GABBR2: variants seen among roughly 807,000 people sequenced by gnomAD.
The protein encoded by GABBR2 is G-protein coupled receptor 51.
Under a neutral mutation model 105.6 loss-of-function variants are expected in GABBR2, and 23 were observed. The ratio of observed to expected loss-of-function variants is 0.22; its 90% confidence interval spans 0.16 to 0.31. The LOEUF (loss-of-function observed/expected upper bound fraction) is 0.31, where lower values mean the gene tolerates loss of function less well. Among genes scored for constraint, GABBR2 ranks in the 10% least tolerant of loss-of-function variants. The pLI is 1.00. For synonymous variants in GABBR2, 478 were observed against 499.7 expected (o/e 0.96, Z 0.58); for missense variants, 734 against 1,245.5 (o/e 0.59, Z 6.18).
chr9:98,349,314 T>C (rs1304380529), intron 13 of GABBR2, among the ~76,000 whole-genome samples: 1 of 151,626 alleles, frequency 6.6e-6, no homozygotes, highest in Non-Finnish European at 1.5e-5. Flanking sequence ...TGATGTGTTG[T>C]TGGATTTGGT....
At chr9:98,582,370 C>G (rs751760526) in intron 1 of GABBR2, among the ~76,000 whole-genome samples, 2 of 152,192 alleles carry the variant, frequency 1.3e-5, no homozygotes, top group Non-Finnish European at 2.9e-5. Flanking sequence ...AAACTGAACT[C>G]TGCCAATAAC....
chr9:98,410,598 T>C lies in GABBR2; in HGVS notation c.1237-4457A>G, dbSNP rs116670171. On this transcript the variant is annotated intron_variant, in intron 7 of 18. Transcript: ENST00000259455. ...GTCTGTGGGGCCCAGCAGCTTCTGA[T>C]TCCTGAACCGTTGGAGTGTGGGGGC... Among the ~76,000 whole-genome samples, 1,418 of 151,338 alleles carry C rather than the reference T, an allele frequency of 9.4e-3. 14 individuals are homozygous for C. Among genetic ancestry groups the C allele is most frequent in the African/African-American group, 0.032 (1,332 of 41,052 alleles).
chr9:98,430,035 C>A (rs929695007), intron 7 of GABBR2, among the ~76,000 whole-genome samples: 1 of 152,062 alleles, frequency 6.6e-6, no homozygotes, highest in African/African-American at 2.4e-5. Flanking sequence ...GCCTGTAATC[C>A]CAGCCCTTTG....
At chr9:98,332,300 G>A (rs1831041536) in intron 13 of GABBR2, among the ~76,000 whole-genome samples, 1 of 152,222 alleles carries the variant, frequency 6.6e-6, no homozygotes, top group South Asian at 2.1e-4. Flanking sequence ...CAGGACCTGG[G>A]AGGTTGGCAG....
chr9:98,609,112 A>G (rs568816249), intron 1 of GABBR2, among the ~76,000 whole-genome samples: 1 of 152,216 alleles, frequency 6.6e-6, no homozygotes, highest in African/African-American at 2.4e-5. Context: ...ATTGTAAAAA[A>G]TTCACATAAT....
intron 11 of GABBR2, among the ~76,000 whole-genome samples, chr9:98,373,837 T>C (rs1328736075): frequency 1.3e-5 from 2 of 150,192 alleles, no homozygotes; most frequent in Non-Finnish European, 3.0e-5. Context: ...GTCACTCCAG[T>C]GTGCAAAGCA....
chr9:98,572,072 G>A (rs891372943), intron 2 of GABBR2, among the ~76,000 whole-genome samples: 2 of 152,168 alleles, frequency 1.3e-5, no homozygotes, highest in African/African-American at 4.8e-5. Flanking sequence ...CCAGCATGAG[G>A]CCCAGATCAG....
At chr9:98,293,694 T>C in intron 18 of GABBR2, 91 bp downstream of exon 18, 2 of 701,206 alleles carry the variant, frequency 2.9e-6, no homozygotes, top group Admixed American at 2.3e-5. Context: ...AATAAAATAA[T>C]GGATGTGAAA....
chr9:98,400,951 C>G (rs181843458), intron 8 of GABBR2, among the ~76,000 whole-genome samples: 2 of 152,170 alleles, frequency 1.3e-5, no homozygotes, highest in Admixed American at 6.5e-5. Context: ...CATGGACCAA[C>G]GACAATGACT....
At chr9:98,584,116 A>G (rs960406130) in intron 1 of GABBR2, among the ~76,000 whole-genome samples, 1 of 152,116 alleles carries the variant, frequency 6.6e-6, no homozygotes, top group African/African-American at 2.4e-5. Flanking sequence ...GGGCTTTATC[A>G]TGCTCTCCTT....
rs940451255 is a variant in GABBR2, at chr9:98,290,493, C to T, written c.*91G>A. On this transcript the variant is annotated 3_prime_UTR_variant, in exon 19 of 19. Transcript: ENST00000259455. ...GGCCAGCCATGGTGCCCAGCTTCTCCGCAGCCAGAGCCGACAGTGTTTCTG... is the reference window on the plus strand; with the variant it reads ...GGCCAGCCATGGTGCCCAGCTTCTCTGCAGCCAGAGCCGACAGTGTTTCTG... 3.3e-5 allele frequency: 32 copies of T among 973,218 alleles called. No individual in the cohort carries two copies. Among genetic ancestry groups the T allele is most frequent in the Middle Eastern group, 3.5e-4 (1 of 2,820 alleles). The allele number at this position is 973,218 out of a possible 1,614,324, so 60.3% of individuals were successfully genotyped here.
At chr9:98,576,185 G>A (rs1379920969) in intron 2 of GABBR2, among the ~76,000 whole-genome samples, 1 of 152,210 alleles carries the variant, frequency 6.6e-6, no homozygotes, top group Non-Finnish European at 1.5e-5. Flanking sequence ...GCCAGTGCAA[G>A]TGGAATGAAA....
intron 5 of GABBR2, among the ~76,000 whole-genome samples, chr9:98,475,367 A>G (rs1335479567): frequency 5.3e-5 from 8 of 152,048 alleles, no homozygotes; most frequent in Non-Finnish European, 8.8e-5. Flanking sequence ...AAGAAAAGAA[A>G]AGAAAAGAAA....
At chr9:98,652,731 G>C (rs929514565) in intron 1 of GABBR2, among the ~76,000 whole-genome samples, 3 of 152,212 alleles carry the variant, frequency 2.0e-5, no homozygotes, top group African/African-American at 7.2e-5. Context: ...GGAGGCAATG[G>C]GTCTTTTCCA....
intron 1 of GABBR2, among the ~76,000 whole-genome samples, chr9:98,611,750 G>A (rs940682802): frequency 4.6e-5 from 7 of 152,194 alleles, no homozygotes; most frequent in African/African-American, 1.7e-4. Flanking sequence ...TCCCACCACC[G>A]GGTACCTTGC....
chr9:98,486,127 C>T (rs1292382246), intron 4 of GABBR2, among the ~76,000 whole-genome samples: 1 of 152,212 alleles, frequency 6.6e-6, no homozygotes, highest in Non-Finnish European at 1.5e-5. Context: ...GCATCTCAGG[C>T]TCTGTTTGTA....
chr9:98,651,789 C>T (rs1172336345), intron 1 of GABBR2, among the ~76,000 whole-genome samples: 1 of 152,120 alleles, frequency 6.6e-6, no homozygotes, highest in Non-Finnish European at 1.5e-5. Context: ...AATGTGTGGG[C>T]CTGATTCAAA....
chr9:98,651,139 G>GTTT (rs55727456), intron 1 of GABBR2, among the ~76,000 whole-genome samples: 23 of 129,578 alleles, frequency 1.8e-4, no homozygotes, highest in Non-Finnish European at 2.8e-4. Flanking sequence ...ACACACACTG[G>GTTT]TTTTTTTTTT....
chr9:98,294,443 G>T (rs1305127192), intron 17 of GABBR2, among the ~76,000 whole-genome samples: 1 of 151,720 alleles, frequency 6.6e-6, no homozygotes, highest in Non-Finnish European at 1.5e-5. Flanking sequence ...ATTATCCTAA[G>T]GAAATAATTA....
Sources: allele counts gnomAD v4.1 joint callset (sites outside exome capture counted in the v4.1 genomes callset), GRCh38; gene constraint gnomAD v4.1.1; transcripts MANE v1.5; gene names NCBI Gene and HGNC (gene_info 2026-07-23, HGNC 2026-07-21).